The following PARP16 variants were observed in gnomAD, a reference collection of about 807,000 sequenced individuals.
PARP16 encodes poly(ADP-ribose) polymerase family member 16, also known as protein mono-ADP-ribosyltransferase PARP16.
In PARP16, 31 loss-of-function variants were observed where a neutral mutation model predicts 35.0. That is an observed-to-expected ratio of 0.88 (90% CI 0.66 to 1.19). The LOEUF (loss-of-function observed/expected upper bound fraction) is 1.19. Ranked by LOEUF, PARP16 falls within the 50% of genes most tolerant of loss-of-function variation. The probability of loss-of-function intolerance (pLI) is 0.00; values close to 1 mark genes in which losing one functional copy is unlikely to be tolerated. For synonymous variants in PARP16, 162 were observed against 169.5 expected, an observed-to-expected ratio of 0.96 and a Z score of 0.34; for missense variants, 424 against 411.2, an observed-to-expected ratio of 1.03 and a Z score of -0.27.
intron 2 of PARP16, among the ~76,000 whole-genome samples, chr15:65,268,956 T>C (rs1458614908): frequency 6.6e-6 from 1 of 152,010 alleles, no homozygotes; most frequent in Non-Finnish European, 1.5e-5. Context: ...AGCTTCATCA[T>C]TTTGGCCAGG....
At chr15:65,267,679 T>TA (rs1452278400) in intron 2 of PARP16, among the ~76,000 whole-genome samples, 1 of 13,232 alleles carries the variant, frequency 7.6e-5, no homozygotes, top group African/African-American at 2.0e-4. Context: ...TTTTCCTAAC[T>TA]TTTTTTTTTT....
At chr15:65,266,487 C>G in intron 3 of PARP16, 75 bp downstream of exon 3, 1 of 1,284,990 alleles carries the variant, frequency 7.8e-7, no homozygotes, top group Non-Finnish European at 1.1e-6. Flanking sequence ...TCCTAGGGTT[C>G]TGAATCTCCC....
chr15:65,252,604 C>T (rs572745489), intron 2 of PARP16, among the ~76,000 whole-genome samples: 1 of 152,338 alleles, frequency 6.6e-6, no homozygotes, highest in Admixed American at 6.5e-5. Context: ...TGGGGTCCTC[C>T]TTTGGCCAAA....
rs367808430 is a variant in PARP16, at chr15:65,239,955, C to CTTTTTTTTTTTTTTT, written c.*98-5147_*98-5133dup. Among the ~76,000 whole-genome samples, 14 of 81,720 alleles carry CTTTTTTTTTTTTTTT rather than the reference C, an allele frequency of 1.7e-4. 2 individuals carry two copies. The highest frequency in any genetic ancestry group is 3.4e-4 in the Admixed American group (2 of 5,834). The allele number at this position is 81,720 out of a possible 152,430, so 53.6% of individuals were successfully genotyped here. The stretch of plus-strand genomic sequence containing the variant: ...ACAGGCGTGAGCCACCGCGTCTGAC[C>CTTTTTTTTTTTTTTT]TTTTTTTTTTTTTTTTTTTAAATAC... On this transcript the variant is annotated intron_variant and NMD_transcript_variant, in intron 3 of 3. Coordinates refer to the PARP16 transcript ENST00000559805.
downstream of PARP16, among the ~76,000 whole-genome samples, chr15:65,255,292 C>A (rs986369975): frequency 1.3e-4 from 19 of 151,860 alleles, no homozygotes; most frequent in African/African-American, 4.6e-4. Context: ...TAGTAGGCAC[C>A]GTGCCTAAGG....
downstream of PARP16, among the ~76,000 whole-genome samples, chr15:65,255,073 C>A (rs1162989828): frequency 6.6e-6 from 1 of 152,136 alleles, no homozygotes; most frequent in African/African-American, 2.4e-5. Flanking sequence ...CAGCTGGGGG[C>A]CCCTATGAGG....
intron 4 of PARP16, 31 bp from the exon 5 acceptor site, chr15:65,261,057 T>C (rs201638628): frequency 1.2e-6 from 2 of 1,602,278 alleles, no homozygotes; most frequent in East Asian, 2.2e-5. Context: ...ACATCTTCAC[T>C]GGGGGAAACA....
At chr15:65,253,053 C>A (rs1432195721) in intron 2 of PARP16, among the ~76,000 whole-genome samples, 1 of 151,282 alleles carries the variant, frequency 6.6e-6, no homozygotes, top group African/African-American at 2.4e-5. Context: ...TCACTTGAAC[C>A]TGGGAGGTGG....
intron 2 of PARP16, among the ~76,000 whole-genome samples, chr15:65,248,445 A>T (rs1208542935): frequency 5.3e-5 from 8 of 152,044 alleles, no homozygotes; most frequent in Non-Finnish European, 1.5e-5. Context: ...CAAGCAGTAG[A>T]GGCCCACACT....
chr15:65,249,223 G>A (rs1342844564), intron 2 of PARP16, among the ~76,000 whole-genome samples: 1 of 152,336 alleles, frequency 6.6e-6, no homozygotes, highest in African/African-American at 2.4e-5. Flanking sequence ...TCTCAACTCT[G>A]TGGACTGTGT....
intron 3 of PARP16, among the ~76,000 whole-genome samples, chr15:65,236,971 CAA>C (rs1161870802): frequency 1.7e-4 from 9 of 52,296 alleles, no homozygotes; most frequent in Non-Finnish European, 2.5e-4. Context: ...GACTCTGTCT[CAA>C]AAAAAAAAAA....
At chr15:65,285,540 A>G in intron 1 of PARP16, 1 of 389,622 alleles carries the variant, frequency 2.6e-6, no homozygotes, top group Admixed American at 2.6e-5. Flanking sequence ...ATGCTCTTCC[A>G]TGGCAAGGAA....
At chr15:65,247,688 T>C (rs1306477903) in intron 3 of PARP16, among the ~76,000 whole-genome samples, 1 of 151,870 alleles carries the variant, frequency 6.6e-6, no homozygotes, top group Non-Finnish European at 1.5e-5. Context: ...TGGAGAGCTG[T>C]GAGTTCTACC....
chr15:65,251,183 C>T (rs1344247815), intron 2 of PARP16, among the ~76,000 whole-genome samples: 2 of 152,150 alleles, frequency 1.3e-5, no homozygotes, highest in African/African-American at 2.4e-5. Flanking sequence ...CATGCCCCTG[C>T]CTCCCATCTC....
In PARP16 at chr15:65,258,112, ATCTT is replaced by A. The variant is rs1234584394; in HGVS notation, c.*1291_*1294del. 3.3e-5 allele frequency: 5 copies of A among 152,238 alleles called. No homozygotes were observed. Among genetic ancestry groups the A allele is most frequent in the African/African-American group, 1.2e-4 (5 of 41,452 alleles). 9.4% of individuals were successfully genotyped at this position (152,238 alleles called of 1,614,324 possible). ...AGGCAACTTAAATCATTAAGAAAAT[ATCTT>A]TATTTATTCTGAAATGTTCCAATAA... On this transcript the variant is annotated 3_prime_UTR_variant, in exon 6 of 6. Transcript: ENST00000649807.
rs187032279 is a variant in PARP16, at chr15:65,263,269, G to C, written c.571C>G (p.Leu191Val). 666 of 1,612,890 alleles carry C rather than the reference G, an allele frequency of 4.1e-4. 1 individual carries two copies. The highest frequency in any genetic ancestry group is 4.9e-4 in the Non-Finnish European group (583 of 1,179,378). ...CCATGGCCATGGGGGCTGTATATGAGGGCCAGGCTCAAGTCACTGGTGAGG... is the reference window on the plus strand; with the variant it reads ...CCATGGCCATGGGGGCTGTATATGACGGCCAGGCTCAAGTCACTGGTGAGG... ...TYLTSDLSLA[L>V]IYSPHGHGWQ... The change falls in exon 4 of 6, where the codon CTC becomes GTC. Residue 191 changes from leucine (L) to valine (V), a missense_variant. By Grantham distance (32) the Leu-to-Val change is conservative. Transcript: ENST00000649807.
At chr15:65,240,323 A>AGTGTGTGTGTGT (rs34811236) in intron 3 of PARP16, among the ~76,000 whole-genome samples, 1,336 of 126,088 alleles carry the variant, frequency 0.011, 27 homozygotes, top group African/African-American at 0.033. Flanking sequence ...GGGGGGGGCT[A>AGTGTGTGTGTGT]GTGTGTGTGT....
At chr15:65,254,295 G>A (rs1043624766), downstream of PARP16, among the ~76,000 whole-genome samples, 2 of 152,172 alleles carry the variant, frequency 1.3e-5, no homozygotes, top group African/African-American at 2.4e-5. Context: ...GGGTGGAGAC[G>A]GTGGTTTCTA....
chr15:65,276,313 A>G (rs2090253532), intron 1 of PARP16, among the ~76,000 whole-genome samples: 1 of 152,216 alleles, frequency 6.6e-6, no homozygotes, highest in Non-Finnish European at 1.5e-5. Flanking sequence ...GCCATTTAAA[A>G]TACGCTCTGC....
Sources: gnomAD v4.1 joint callset for allele counts (sites outside exome capture counted in the v4.1 genomes callset) on GRCh38, gnomAD v4.1.1 for gene constraint, MANE v1.5 for transcripts, NCBI Gene and HGNC (gene_info 2026-07-23, HGNC 2026-07-21) for gene names.